PIRT: variants seen among roughly 807,000 people sequenced by gnomAD.
PIRT encodes phosphoinositide-interacting protein.
PIRT carries 6 observed loss-of-function variants against 7.9 expected under a neutral mutation model. That is an observed-to-expected ratio of 0.76 (90% confidence interval 0.42 to 1.51). PIRT has a LOEUF of 1.51. PIRT is among the 40% of genes most tolerant of loss of function. The pLI, the probability that PIRT is intolerant of heterozygous loss-of-function variation, is 0.01. For missense variants in PIRT, 170 were observed against 172.9 expected (o/e 0.98, Z 0.09); for synonymous variants, 78 against 71.8 (o/e 1.09, Z -0.44).
chr17:10,833,868 G>T (rs542778025), intron 1 of PIRT, among the ~76,000 whole-genome samples: 1 of 152,138 alleles, frequency 6.6e-6, no homozygotes, highest in South Asian at 2.1e-4. Context: ...AGGAACCCAG[G>T]AAAAAGTGCT....
At chr17:10,834,079 A>C (rs914801763) in intron 1 of PIRT, among the ~76,000 whole-genome samples, 3 of 152,194 alleles carry the variant, frequency 2.0e-5, no homozygotes, top group African/African-American at 7.2e-5. Flanking sequence ...CAGCAGTTCC[A>C]CTTCCAAATG....
At chr17:10,829,701 C>T (rs1905416527) in intron 1 of PIRT, among the ~76,000 whole-genome samples, 1 of 152,212 alleles carries the variant, frequency 6.6e-6, no homozygotes, top group Non-Finnish European at 1.5e-5. Flanking sequence ...TCAATGAATA[C>T]AGAATGACTT....
rs1386094380 is a variant in PIRT, at chr17:10,823,307, A to G, written c.*1925T>C. 1 of 152,242 alleles carries G rather than the reference A, an allele frequency of 6.6e-6. No homozygotes were observed. The highest frequency in any genetic ancestry group is 2.4e-5 in the African/African-American group (1 of 41,452). 9.4% of individuals were successfully genotyped at this position (152,242 alleles called of 1,614,324 possible). A position where few individuals can be genotyped will look rare whatever the true frequency, so the allele number is the denominator to read the frequency against. ...GAGCTAGAGACATGGCCACACTGGCATGGGTCTCCATGAAGGCTATGGCCA... is the reference window on the plus strand; with the variant it reads ...GAGCTAGAGACATGGCCACACTGGCGTGGGTCTCCATGAAGGCTATGGCCA... On this transcript the variant is annotated 3_prime_UTR_variant, in exon 2 of 2. Transcript: ENST00000580256.
At chr17:10,836,854 GT>G (rs1905604010) in intron 1 of PIRT, among the ~76,000 whole-genome samples, 1 of 152,180 alleles carries the variant, frequency 6.6e-6, no homozygotes, top group Non-Finnish European at 1.5e-5. Context: ...ACCCAGAGTG[GT>G]AAGAAGTGGA....
At chr17:10,827,465 CTTTTTTTTTTTT>C (rs546105685) in intron 1 of PIRT, among the ~76,000 whole-genome samples, 63 of 56,302 alleles carry the variant, frequency 1.1e-3, no homozygotes, top group Admixed American at 2.3e-3. Flanking sequence ...TTTTTCTTTT[CTTTTTTTTTTTT>C]TTTTTTTTTT....
rs371916670 is a variant in PIRT, at chr17:10,825,154, C to T, written c.*78G>A. 2.0e-6 allele frequency: 3 copies of T among 1,524,690 alleles called. No homozygotes were observed. Among genetic ancestry groups the T allele is most frequent in the Non-Finnish European group, 2.7e-6 (3 of 1,124,126 alleles). The allele number at this position is 1,524,690 out of a possible 1,614,324, so 94.4% of individuals were successfully genotyped here. On this transcript the variant is annotated 3_prime_UTR_variant, in exon 2 of 2. Coordinates refer to ENST00000580256, the MANE Select transcript of PIRT (RefSeq NM_001101387.2). ...CCTGGATCAGTTTTATGGCACCCCA[C>T]AGAGGAGACAGGGATGTCGGATGTT...
intron 1 of PIRT, among the ~76,000 whole-genome samples, chr17:10,833,406 A>G (rs145950443): frequency 6.6e-6 from 1 of 152,346 alleles, no homozygotes; most frequent in Non-Finnish European, 1.5e-5. Flanking sequence ...AGATGACACC[A>G]TGAAGGAAAT....
At chr17:10,830,775 C>T (rs1905445193) in intron 1 of PIRT, among the ~76,000 whole-genome samples, 2 of 152,088 alleles carry the variant, frequency 1.3e-5, no homozygotes, top group Admixed American at 6.6e-5. Flanking sequence ...AATAAGATTC[C>T]ATTTTTTCTG....
At chr17:10,829,460 G>T in intron 1 of PIRT, among the ~76,000 whole-genome samples, 1 of 152,184 alleles carries the variant, frequency 6.6e-6, no homozygotes, top group East Asian at 1.9e-4. Context: ...CTTCTTTCTG[G>T]CTCTGCAACG....
chr17:10,833,915 C>T (rs560798537), intron 1 of PIRT, among the ~76,000 whole-genome samples: 1 of 152,046 alleles, frequency 6.6e-6, no homozygotes, highest in African/African-American at 2.4e-5. Context: ...CAAATTAAAG[C>T]CACAACGAGA....
In PIRT at chr17:10,825,209, G is replaced by T; in HGVS notation, c.*23C>A. 6.2e-7 allele frequency: 1 copy of T among 1,607,860 alleles called. No individual in the cohort carries two copies. The highest frequency in any genetic ancestry group is 8.5e-7 in the Non-Finnish European group (1 of 1,175,772). ...ATCAGATCTTCTCCCAGTCAAGGTG[G>T]CAGGGAGATGCGGAAACCACCATCA... On this transcript the variant is annotated 3_prime_UTR_variant, in exon 2 of 2. Coordinates refer to ENST00000580256, the MANE Select transcript of PIRT (RefSeq NM_001101387.2).
chr17:10,829,731 A>G (rs1739992865), intron 1 of PIRT, among the ~76,000 whole-genome samples: 1 of 152,166 alleles, frequency 6.6e-6, no homozygotes, highest in Non-Finnish European at 1.5e-5. Flanking sequence ...ATCCCCTAAC[A>G]TTGACCCACT....
intron 1 of PIRT, among the ~76,000 whole-genome samples, chr17:10,826,671 C>T (rs142324880): frequency 1.1e-4 from 17 of 152,322 alleles, no homozygotes; most frequent in African/African-American, 2.2e-4. Flanking sequence ...GAAGATCACA[C>T]GATAAGGAAC....
intron 1 of PIRT, among the ~76,000 whole-genome samples, chr17:10,837,323 G>A (rs1213758847): frequency 1.3e-5 from 2 of 152,224 alleles, no homozygotes; most frequent in South Asian, 2.1e-4. Flanking sequence ...ACTGAGCCAC[G>A]TCTTTGTCCG....
intron 1 of PIRT, among the ~76,000 whole-genome samples, chr17:10,827,535 T>G (rs1471394040): frequency 7.4e-6 from 1 of 135,156 alleles, no homozygotes; most frequent in Non-Finnish European, 1.5e-5. Context: ...AGTGCAGTGG[T>G]GCGATCTTGG....
intron 1 of PIRT, among the ~76,000 whole-genome samples, chr17:10,828,847 T>C (rs2151534343): frequency 6.6e-6 from 1 of 152,312 alleles, no homozygotes; most frequent in East Asian, 1.9e-4. Context: ...CCCTCACCAT[T>C]AACAGGGGGA....
intron 1 of PIRT, among the ~76,000 whole-genome samples, chr17:10,829,301 A>G (rs1046733173): frequency 6.6e-6 from 1 of 152,156 alleles, no homozygotes; most frequent in African/African-American, 2.4e-5. Context: ...GGGGCTGGGC[A>G]GGGGAAGGGC....
In PIRT at chr17:10,825,159, G is replaced by A; in HGVS notation, c.*73C>T. The A allele has an allele frequency of 6.5e-7, 1 of 1,535,924 alleles. No homozygotes were observed. The highest frequency in any genetic ancestry group is 8.8e-7 in the Non-Finnish European group (1 of 1,130,668). On this transcript the variant is annotated 3_prime_UTR_variant, in exon 2 of 2. Transcript: ENST00000580256. ...ATCAGTTTTATGGCACCCCACAGAG[G>A]AGACAGGGATGTCGGATGTTGGTCA... is the stretch of plus-strand genomic sequence containing the variant.
In PIRT at chr17:10,825,235, G is replaced by A. The variant is rs1269677075; in HGVS notation, c.411C>T (p.Arg137=). The A allele has an allele frequency of 3.7e-6, 6 of 1,613,168 alleles. No individual in the cohort carries two copies. In the South Asian group the frequency reaches 6.6e-5, roughly 18 times the overall value. Residue 137 remains arginine, a synonymous_variant, in exon 2 of 2, where the codon CGC becomes CGT. Transcript: ENST00000580256. ...CAGGGAGATGCGGAAACCACCATCA[G>A]CGAGTCAGGAAGAAGGACTTGAGGC... ...LRSLKSFFLT[R]
Sources: allele counts gnomAD v4.1 joint callset (sites outside exome capture counted in the v4.1 genomes callset), GRCh38; gene constraint gnomAD v4.1.1; transcripts MANE v1.5; gene names NCBI Gene and HGNC (gene_info 2026-07-23, HGNC 2026-07-21).